C9orf85: variants seen among roughly 807,000 people sequenced by gnomAD.
C9orf85 encodes chromosome 9 open reading frame 85, also known as uncharacterized protein C9orf85.
Under a neutral mutation model 14.9 loss-of-function variants are expected in C9orf85, and 16 were observed. The ratio of observed to expected loss-of-function variants is 1.08; its 90% CI spans 0.73 to 1.63. The LOEUF (loss-of-function observed/expected upper bound fraction) is 1.63, where lower values mean the gene tolerates loss of function less well. C9orf85 is among the 40% of genes most tolerant of loss of function. The pLI is 0.00. For synonymous variants in C9orf85, 45 were observed against 56.8 expected, an observed-to-expected ratio of 0.79 and a Z score of 0.93; for missense variants, 172 against 186.1, an observed-to-expected ratio of 0.92 and a Z score of 0.44.
chr9:71,916,254 C>G (rs1380147328), intron 1 of C9orf85, among the ~76,000 whole-genome samples: 2 of 152,054 alleles, frequency 1.3e-5, no homozygotes, highest in African/African-American at 2.4e-5. Flanking sequence ...AATGGAGGAG[C>G]ATCTGTCATC....
chr9:71,933,949 A>G (rs913177643), intron 1 of C9orf85, among the ~76,000 whole-genome samples: 1 of 152,110 alleles, frequency 6.6e-6, no homozygotes, highest in African/African-American at 2.4e-5. Context: ...TCCACCTATG[A>G]CCTGTGTGCT....
chr9:71,946,892 G>A (rs947769544), intron 1 of C9orf85, 114 bp from the exon 2 acceptor site: 4 of 580,752 alleles, frequency 6.9e-6, no homozygotes, highest in African/African-American at 5.6e-5. Context: ...AAATTGTTAT[G>A]CAGATTAAGG....
intron 3 of C9orf85, among the ~76,000 whole-genome samples, chr9:71,981,272 C>G (rs894450495): frequency 3.9e-5 from 6 of 152,286 alleles, no homozygotes; most frequent in African/African-American, 9.6e-5. Context: ...AACCAGTCAA[C>G]CTCTGTATAT....
At chr9:71,962,545 C>T (rs970951972) in intron 2 of C9orf85, among the ~76,000 whole-genome samples, 1 of 152,096 alleles carries the variant, frequency 6.6e-6, no homozygotes, top group African/African-American at 2.4e-5. Context: ...CATGAAAGTA[C>T]GACAGGAGCT....
chr9:71,945,542 G>C (rs754444038), intron 1 of C9orf85, among the ~76,000 whole-genome samples: 1 of 152,130 alleles, frequency 6.6e-6, no homozygotes, highest in African/African-American at 2.4e-5. Context: ...TGAAGAAAGA[G>C]AAAAATTAAA....
At chr9:71,985,769 G>A (rs989921773), downstream of C9orf85, 6 of 152,180 alleles carry the variant, frequency 3.9e-5, no homozygotes, top group East Asian at 7.7e-4. Context: ...TTTCCCAGCC[G>A]TAAATGCATA....
chr9:71,984,096 A>T, downstream of C9orf85: 1 of 152,196 alleles, frequency 6.6e-6, no homozygotes, highest in East Asian at 1.9e-4. Flanking sequence ...GAAACTGTTG[A>T]TGTAACCACT....
intron 1 of C9orf85, among the ~76,000 whole-genome samples, chr9:71,919,318 C>T (rs1006177268): frequency 6.6e-6 from 1 of 152,084 alleles, no homozygotes; most frequent in African/African-American, 2.4e-5. Flanking sequence ...GGTGAAGTGC[C>T]AGTCATGGGA....
intron 2 of C9orf85, among the ~76,000 whole-genome samples, chr9:71,955,527 G>A (rs1339667267): frequency 6.6e-6 from 1 of 152,252 alleles, no homozygotes; most frequent in African/African-American, 2.4e-5. Context: ...TAAACAGCTG[G>A]ATTGGTTACA....
At chr9:71,968,101 T>TATATAGAGAG (rs1554709461) in intron 2 of C9orf85, among the ~76,000 whole-genome samples, 3 of 146,722 alleles carry the variant, frequency 2.0e-5, no homozygotes, top group Admixed American at 6.9e-5. Context: ...TATATATATA[T>TATATAGAGAG]AGAGAGAGAG....
Position 71,978,725 on chromosome 9 carries a change from A to T in C9orf85, c.324-3932A>T, listed in dbSNP as rs111676094. Among the ~76,000 whole-genome samples the T allele has an allele frequency of 4.6e-5, 7 of 152,246 alleles. No homozygotes were observed. The East Asian group carries it at 1.4e-3, about 29-fold the overall frequency. On this transcript the variant is annotated intron_variant, in intron 3 of 3. Coordinates refer to the C9orf85 transcript ENST00000377031. ...GTAGCTACACAGGTACAGAAACATAAAATTCAGCACTTAAAATTTGTTTAT... is the reference window on the plus strand; with the variant it reads ...GTAGCTACACAGGTACAGAAACATATAATTCAGCACTTAAAATTTGTTTAT...
intron 2 of C9orf85, among the ~76,000 whole-genome samples, chr9:71,954,520 T>C (rs1344180244): frequency 2.6e-5 from 4 of 152,198 alleles, no homozygotes; most frequent in African/African-American, 9.7e-5. Flanking sequence ...TTTATGGTTA[T>C]TTCTTGATGA....
rs1390456506 is a variant in C9orf85 at position 71,979,045 on chromosome 9, AT to A, written c.324-3611del. Among the ~76,000 whole-genome samples the A allele has an allele frequency of 2.1e-5, 3 of 144,682 alleles. No homozygotes were observed. The East Asian group carries it at 6.1e-4, about 29-fold the overall frequency. 94.9% of individuals were successfully genotyped at this position (144,682 alleles called of 152,430 possible). On this transcript the variant is annotated intron_variant, in intron 3 of 3. Coordinates refer to the C9orf85 transcript ENST00000377031. ...TGAGACTCCGTCTCAAGAAAAAAAA[AT>A]GTTTTTTTGCTTATTTAGTTGTATG...
At chr9:71,925,348 C>T (rs977231922) in intron 1 of C9orf85, among the ~76,000 whole-genome samples, 1 of 152,180 alleles carries the variant, frequency 6.6e-6, no homozygotes, top group Non-Finnish European at 1.5e-5. Context: ...TGGTGAAACC[C>T]CGTCCCTACT....
At chr9:71,926,422 C>T (rs1330305479) in intron 1 of C9orf85, among the ~76,000 whole-genome samples, 1 of 151,014 alleles carries the variant, frequency 6.6e-6, no homozygotes, top group Non-Finnish European at 1.5e-5. Context: ...AGATTTAGGC[C>T]CTCATTTATA....
At chr9:71,985,479 C>T (rs974854624), downstream of C9orf85, 1 of 152,236 alleles carries the variant, frequency 6.6e-6, no homozygotes, top group African/African-American at 2.4e-5. Flanking sequence ...TTGGGCTCTG[C>T]CCTAGACCTA....
At chr9:71,914,808 C>A (rs190041152) in intron 1 of C9orf85, among the ~76,000 whole-genome samples, 1 of 152,182 alleles carries the variant, frequency 6.6e-6, no homozygotes, top group Non-Finnish European at 1.5e-5. Flanking sequence ...GGATTTGTAA[C>A]CTCCTCTTCC....
intron 2 of C9orf85, among the ~76,000 whole-genome samples, chr9:71,964,902 G>A (rs539751351): frequency 6.6e-6 from 1 of 152,296 alleles, no homozygotes; most frequent in East Asian, 1.9e-4. Context: ...GACGAACCCG[G>A]GCACTTAGCC....
chr9:71,939,694 G>C (rs1396184943), intron 1 of C9orf85, among the ~76,000 whole-genome samples: 1 of 152,146 alleles, frequency 6.6e-6, no homozygotes, highest in Non-Finnish European at 1.5e-5. Context: ...AAGAATTGAA[G>C]TACTGATTTC....
Sources: allele counts gnomAD v4.1 joint callset (sites outside exome capture counted in the v4.1 genomes callset), GRCh38; gene constraint gnomAD v4.1.1; transcripts MANE v1.5; gene names NCBI Gene and HGNC (gene_info 2026-07-23, HGNC 2026-07-21).